CCDC148: variants seen among roughly 807,000 people sequenced by gnomAD.
CCDC148 encodes coiled-coil domain containing 148, also known as coiled-coil domain-containing protein 148.
In CCDC148, 89 loss-of-function variants were observed where a neutral mutation model predicts 85.7. The ratio of observed to expected loss-of-function variants is 1.04; its 90% confidence interval spans 0.87 to 1.24. CCDC148 has a LOEUF of 1.24. Among genes scored for constraint, CCDC148 ranks in the 50% most tolerant of loss-of-function variants. The pLI is 0.00. For synonymous variants in CCDC148, 230 were observed against 213.9 expected, an observed-to-expected ratio of 1.08 and a Z score of -0.66; for missense variants, 692 against 671.7, an observed-to-expected ratio of 1.03 and a Z score of -0.33.
chr2:158,283,113 T>G (rs1690418840), intron 9 of CCDC148, among the ~76,000 whole-genome samples: 2 of 152,156 alleles, frequency 1.3e-5, no homozygotes, highest in Non-Finnish European at 2.9e-5. Flanking sequence ...CCTCACACCT[T>G]ATACAAAAAT....
chr2:158,260,974 C>G (rs1689197022), intron 9 of CCDC148, among the ~76,000 whole-genome samples: 1 of 151,444 alleles, frequency 6.6e-6, no homozygotes, highest in Non-Finnish European at 1.5e-5. Context: ...TCATTCCTAT[C>G]AAACTACCAA....
chr2:158,173,880 A>T (rs978311728), intron 13 of CCDC148, among the ~76,000 whole-genome samples: 3 of 151,560 alleles, frequency 2.0e-5, no homozygotes, highest in South Asian at 2.1e-4. Flanking sequence ...TGAGGCTTAA[A>T]TTTTTTTTTA....
chr2:158,292,971 G>A (rs1690963877), intron 9 of CCDC148, among the ~76,000 whole-genome samples: 1 of 152,174 alleles, frequency 6.6e-6, no homozygotes, highest in Non-Finnish European at 1.5e-5. Flanking sequence ...AATTAATGCT[G>A]TGTTTATTGA....
At chr2:158,275,433 G>C (rs184475011) in intron 9 of CCDC148, among the ~76,000 whole-genome samples, 2 of 152,198 alleles carry the variant, frequency 1.3e-5, no homozygotes, top group African/African-American at 4.8e-5. Flanking sequence ...CTGGATGCAC[G>C]AGTGGGAGCC....
intron 9 of CCDC148, among the ~76,000 whole-genome samples, chr2:158,306,717 T>C (rs1323605796): frequency 6.6e-6 from 1 of 151,686 alleles, no homozygotes; most frequent in Non-Finnish European, 1.5e-5. Flanking sequence ...TTAGGAGATA[T>C]ACCTAATGTA....
At chr2:158,309,704 T>A in intron 8 of CCDC148, 65 bp from the exon 9 acceptor site, 1 of 1,125,262 alleles carries the variant, frequency 8.9e-7, no homozygotes, top group Non-Finnish European at 1.3e-6. Flanking sequence ...TGCATCATTG[T>A]TACAAAAATG....
intron 9 of CCDC148, among the ~76,000 whole-genome samples, chr2:158,295,148 C>T (rs1047284295): frequency 7.2e-5 from 11 of 152,144 alleles, no homozygotes; most frequent in African/African-American, 2.7e-4. Flanking sequence ...TTCCTCGACA[C>T]ATACACCCTC....
chr2:158,368,504 T>G (rs1030281421), intron 1 of CCDC148, among the ~76,000 whole-genome samples: 5 of 152,174 alleles, frequency 3.3e-5, no homozygotes, highest in African/African-American at 2.4e-5. Flanking sequence ...TGTTAAATAA[T>G]TTAAGAACAG....
chr2:158,183,752 A>G (rs1286795074), intron 11 of CCDC148, among the ~76,000 whole-genome samples: 1 of 152,176 alleles, frequency 6.6e-6, no homozygotes, highest in African/African-American at 2.4e-5. Flanking sequence ...TGGCTTAGTC[A>G]ATATGCAACA....
intron 1 of CCDC148, among the ~76,000 whole-genome samples, chr2:158,453,488 T>C (rs1165698391): frequency 1.3e-5 from 2 of 152,062 alleles, no homozygotes; most frequent in Non-Finnish European, 2.9e-5. Flanking sequence ...TTACTCTCTT[T>C]CCCTCCTTTG....
chr2:158,237,834 A>G (rs1688176164), intron 10 of CCDC148, among the ~76,000 whole-genome samples: 1 of 152,138 alleles, frequency 6.6e-6, no homozygotes, highest in Admixed American at 6.6e-5. Flanking sequence ...AAAGCTTAGA[A>G]GATGGAACGG....
chr2:158,331,752 A>C (rs959907653), intron 7 of CCDC148, among the ~76,000 whole-genome samples: 1 of 152,146 alleles, frequency 6.6e-6, no homozygotes, highest in South Asian at 2.1e-4. Flanking sequence ...TCCCTTTACC[A>C]TTATGTAATC....
chr2:158,380,576 G>A (rs1039480444), intron 1 of CCDC148, among the ~76,000 whole-genome samples: 26 of 152,252 alleles, frequency 1.7e-4, no homozygotes, highest in African/African-American at 6.0e-4. Context: ...AATCTCAACT[G>A]AAATCCTAGA....
chr2:158,396,029 C>G (rs1467984365), intron 1 of CCDC148, among the ~76,000 whole-genome samples: 1 of 152,038 alleles, frequency 6.6e-6, no homozygotes, highest in East Asian at 1.9e-4. Context: ...CAACTACTGG[C>G]CAATACGGAA....
At chr2:158,202,038 G>A (rs527549049) in intron 11 of CCDC148, among the ~76,000 whole-genome samples, 13 of 152,186 alleles carry the variant, frequency 8.5e-5, no homozygotes, top group East Asian at 3.9e-4. Context: ...GAAGCAAATC[G>A]GGCAAAATAT....
intron 7 of CCDC148, among the ~76,000 whole-genome samples, chr2:158,320,978 T>C (rs552430216): frequency 6.6e-6 from 1 of 152,288 alleles, no homozygotes; most frequent in African/African-American, 2.4e-5. Context: ...TTTTCACAAA[T>C]ACATAACATG....
intron 11 of CCDC148, among the ~76,000 whole-genome samples, chr2:158,204,704 C>T (rs985791822): frequency 2.7e-5 from 4 of 149,436 alleles, no homozygotes; most frequent in Non-Finnish European, 6.0e-5. Flanking sequence ...CCATCCTCTC[C>T]ACGCCCTGTC....
At chr2:158,283,139 T>G (rs1365406558) in intron 9 of CCDC148, among the ~76,000 whole-genome samples, 3 of 152,170 alleles carry the variant, frequency 2.0e-5, no homozygotes, top group African/African-American at 7.2e-5. Context: ...CAAGATGGAT[T>G]AAAGACTTAA....
chr2:158,353,191 A>G (rs1683418496), intron 2 of CCDC148, among the ~76,000 whole-genome samples: 1 of 112,118 alleles, frequency 8.9e-6, no homozygotes, highest in Non-Finnish European at 1.8e-5. Flanking sequence ...TCACCAGCTA[A>G]CATCATAATG....
Sources: allele counts gnomAD v4.1 joint callset (sites outside exome capture counted in the v4.1 genomes callset), GRCh38; gene constraint gnomAD v4.1.1; transcripts MANE v1.5; gene names NCBI Gene and HGNC (gene_info 2026-07-23, HGNC 2026-07-21).